BRPF1: variants seen among roughly 807,000 people sequenced by gnomAD.
BRPF1 encodes the protein bromodomain and PHD finger containing 1, also known as peregrin.
In BRPF1, 15 loss-of-function variants were observed where a neutral mutation model predicts 115.0. That is an observed-to-expected ratio of 0.13 (90% CI 0.09 to 0.20). The LOEUF is 0.20. Ranked by LOEUF, BRPF1 falls within the 10% of genes least tolerant of loss-of-function variation. The probability of loss-of-function intolerance (pLI) is 1.00; values close to 1 mark genes in which losing one functional copy is unlikely to be tolerated. For synonymous variants in BRPF1, 647 were observed against 619.8 expected, an observed-to-expected ratio of 1.04 and a Z score of -0.65; for missense variants, 1,118 against 1,638.3, an observed-to-expected ratio of 0.68 and a Z score of 5.48.
intron 9 of BRPF1, 98 bp downstream of exon 9, chr3:9,744,606 C>A: frequency 1.0e-6 from 1 of 962,712 alleles, no homozygotes; most frequent in Non-Finnish European, 1.5e-6. Flanking sequence ...CATAAAAGAG[C>A]GAGCTAGAAG....
rs777004522 is a variant in BRPF1 at position 9,734,218 on chromosome 3, G to A, written c.78G>A (p.Glu26=). ...AGCCACCATACGAGTGCCCGGTGGA[G>A]ACCTGCCGAAAGGTCTACAAGAGTT... The part of the protein sequence containing the change: ...ATKPPYECPV[E]TCRKVYKSYS... The change falls in exon 2 of 14, where the codon GAG becomes GAA. Residue 26 remains glutamate, a synonymous_variant. Coordinates refer to ENST00000383829, the MANE Select transcript of BRPF1 (RefSeq NM_001003694.2). The surrounding 1 kb of genome is among the most constrained non-coding windows in gnomAD (Gnocchi z 5.7). The A allele has an allele frequency of 1.2e-6, 2 of 1,614,056 alleles. No individual in the cohort carries two copies. Among genetic ancestry groups the A allele is most frequent in the Non-Finnish European group, 8.5e-7 (1 of 1,180,010 alleles).
At chr3:9,738,427 A>G (rs577034908) in intron 2 of BRPF1, among the ~76,000 whole-genome samples, 8 of 152,372 alleles carry the variant, frequency 5.3e-5, no homozygotes, top group African/African-American at 1.9e-4. Flanking sequence ...TCCCAAGGCT[A>G]TCCAGTGAAC....
At position 9,746,407 on chromosome 3, in the gene BRPF1, C is replaced by T. The variant is rs769637573; in HGVS notation, c.3432C>T (p.Ala1144=). 4.5e-5 allele frequency: 73 copies of T among 1,608,468 alleles called. No individual in the cohort carries two copies. The South Asian group carries it at 5.5e-4, about 12-fold the overall frequency. The change falls in exon 13 of 14, where the codon GCC becomes GCT. Residue 1144 remains alanine (A), a synonymous_variant. Transcript: ENST00000383829. ...TTGGGGAGCAGATGACCCAGGAAGCCCGAGAGCATCTCTACCTCGTCCTCT... is the reference window on the plus strand; with the variant it reads ...TTGGGGAGCAGATGACCCAGGAAGCTCGAGAGCATCTCTACCTCGTCCTCT... ...LKLGEQMTQE[A]REHLYLVLFF...
rs2125507908 is a variant in BRPF1 at position 9,742,969 on chromosome 3, A to G, written c.2027A>G (p.Lys676Arg). The change falls in exon 7 of 14, where the codon AAA becomes AGA. Residue 676 changes from lysine (K) to arginine (R), a missense_variant. Around this residue, in one of 10 missense-constraint regions of BRPF1, gnomAD observed 178 missense variants for 303.7 expected, o/e 0.59. Coordinates refer to ENST00000383829, the MANE Select transcript of BRPF1 (RefSeq NM_001003694.2). The stretch of plus-strand genomic sequence containing the variant: ...GTACCTGACTACCTAGACCACATCA[A>G]AAAGCCCATGGACTTTTTCACCATG... ...DEVPDYLDHIKKPMDFFTMKQ... is the reference protein window; with the variant it reads ...DEVPDYLDHIRKPMDFFTMKQ... The G allele has an allele frequency of 6.2e-7, 1 of 1,614,164 alleles. No individual in the cohort carries two copies. The highest frequency in any genetic ancestry group is 1.1e-5 in the South Asian group (1 of 91,078).
At chr3:9,740,452 C>G (rs1309675683) in intron 3 of BRPF1, among the ~76,000 whole-genome samples, 1 of 152,164 alleles carries the variant, frequency 6.6e-6, no homozygotes, top group Non-Finnish European at 1.5e-5. Flanking sequence ...TTAAAACCTT[C>G]AAAGGCTCAG....
chr3:9,736,835 A>G (rs2125496150), intron 2 of BRPF1, among the ~76,000 whole-genome samples: 1 of 152,346 alleles, frequency 6.6e-6, no homozygotes, highest in Admixed American at 6.5e-5. Context: ...TCTTGCTTGC[A>G]TTCTAATATG....
chr3:9,738,563 A>G (rs1230171705), intron 2 of BRPF1, among the ~76,000 whole-genome samples: 1 of 152,218 alleles, frequency 6.6e-6, no homozygotes, highest in East Asian at 1.9e-4. Context: ...TAATTTGTCA[A>G]TGACATCCAA....
Position 9,743,427 on chromosome 3 carries a change from C to A in BRPF1, c.2312-151C>A. 1 of 1,188,106 alleles carries A rather than the reference C, an allele frequency of 8.4e-7. No individual in the cohort carries two copies. Among genetic ancestry groups the A allele is most frequent in the Non-Finnish European group, 1.2e-6 (1 of 851,880 alleles). 73.6% of individuals were successfully genotyped at this position (1,188,106 alleles called of 1,614,324 possible). ...CAGACTGGGTGAATGGATAGCAGTG[C>A]CCGCCATTCCACATCTTGGTGCTGC... On this transcript the variant is annotated intron_variant, in intron 7 of 13. Transcript: ENST00000383829. This position sits in a 1 kb window ranked among gnomAD's most constrained non-coding sequence, Gnocchi z 6.1.
rs765495517 is a variant in BRPF1 at position 9,739,094 on chromosome 3, G to A, written c.695G>A (p.Arg232Gln). Reference sequence around the variant, plus strand: ...TGGCTGGATATCATGAATGAGCGTCGGAAGACAGAGGGTGTAAGTCCCATC... The same window carrying A: ...TGGCTGGATATCATGAATGAGCGTCAGAAGACAGAGGGTGTAAGTCCCATC... ...YIWLDIMNERRKTEGVSPIPQ... is the reference protein window; with the variant it reads ...YIWLDIMNERQKTEGVSPIPQ... The change falls in exon 3 of 14, where the codon CGG (arginine) becomes CAG (glutamine). Residue 232 changes from arginine (R) to glutamine (Q), a missense_variant. By Grantham distance (43) the Arg-to-Gln change is conservative. Transcript: ENST00000383829. 6.2e-6 allele frequency: 10 copies of A among 1,613,586 alleles called. No homozygotes were observed. Among genetic ancestry groups the A allele is most frequent in the Non-Finnish European group, 6.8e-6 (8 of 1,179,762 alleles).
At chr3:9,744,930 T>A (rs2077097127) in intron 9 of BRPF1, 78 bp from the exon 10 acceptor site, 2 of 1,590,748 alleles carry the variant, frequency 1.3e-6, no homozygotes, top group Admixed American at 3.4e-5. Context: ...AAGCTCCAAG[T>A]CCCTCTTACC....
intron 1 of BRPF1, chr3:9,732,367 C>CA (rs1559652366): frequency 6.6e-6 from 1 of 152,256 alleles, no homozygotes; most frequent in African/African-American, 2.4e-5. Context: ...TACACTTCCA[C>CA]AAAGGGGAAA....
intron 2 of BRPF1, among the ~76,000 whole-genome samples, chr3:9,735,228 G>A (rs971752791): frequency 6.6e-5 from 10 of 152,200 alleles, no homozygotes; most frequent in African/African-American, 2.4e-4. Context: ...GCCTAGGCTA[G>A]TCTTGAATTC....
At chr3:9,742,427 C>T (rs2077046858) in intron 6 of BRPF1, 13 of 985,298 alleles carry the variant, frequency 1.3e-5, no homozygotes, top group South Asian at 4.7e-5. Context: ...AATCCCAGGG[C>T]AGGAAGACAC....
chr3:9,734,096 C>T lies in BRPF1; in HGVS notation c.-10-35C>T. The T allele has an allele frequency of 6.5e-7, 1 of 1,536,406 alleles. No individual in the cohort carries two copies. The highest frequency in any genetic ancestry group is 8.8e-7 in the Non-Finnish European group (1 of 1,140,626). On this transcript the variant is annotated intron_variant, in intron 1 of 13. Transcript: ENST00000383829. This position sits in a 1 kb window ranked among gnomAD's most constrained non-coding sequence, Gnocchi z 5.7. Reference sequence around the variant, plus strand: ...CTGGTGCAAATGGCCAGGAACTCATCCCCAGCCTTATGTTAACTGATCTGT... The same window carrying T: ...CTGGTGCAAATGGCCAGGAACTCATTCCCAGCCTTATGTTAACTGATCTGT...
Position 9,741,303 on chromosome 3 carries a change from T to C in BRPF1, c.1723-5T>C. The stretch of plus-strand genomic sequence containing the variant: ...CATCCTCTGATCTTCGTTTTGCCTC[T>C]ACAGAGAGATTCTGAGGATAAGAAC... On this transcript the variant is annotated splice_polypyrimidine_tract_variant and splice_region_variant and intron_variant, in intron 4 of 13. Transcript: ENST00000383829. 6.4e-7 allele frequency: 1 copy of C among 1,567,784 alleles called. No individual in the cohort carries two copies. Among genetic ancestry groups the C allele is most frequent in the Non-Finnish European group, 8.7e-7 (1 of 1,153,398 alleles).
At chr3:9,737,392 A>C (rs1361164433) in intron 2 of BRPF1, among the ~76,000 whole-genome samples, 4 of 152,216 alleles carry the variant, frequency 2.6e-5, no homozygotes, top group Non-Finnish European at 5.9e-5. Flanking sequence ...TGTCCTAAGC[A>C]CTTTACCTGC....
rs535934557 is a variant in BRPF1, at chr3:9,745,696, C to T, written c.3192C>T (p.Gly1064=). 97 of 1,614,196 alleles carry T rather than the reference C, an allele frequency of 6.0e-5. No homozygotes were observed. In the South Asian group the frequency reaches 1.0e-3, roughly 17 times the overall value. ...NEAYSVGTGR[G]VGHSMVRKSL... ...CCTACTCCGTGGGCACTGGCCGCGG[C>T]GTGGGCCACAGCAGTAAGTTCCCTT... The change falls in exon 11 of 14, where the codon GGC becomes GGT. Residue 1064 remains glycine (G), a synonymous_variant. Transcript: ENST00000383829. This position sits in a 1 kb window ranked among gnomAD's most constrained non-coding sequence, Gnocchi z 5.1.
At chr3:9,740,109 GT>G in intron 3 of BRPF1, 151 bp downstream of exon 3, 7 of 1,366,678 alleles carry the variant, frequency 5.1e-6, no homozygotes, top group Non-Finnish European at 6.7e-6. Context: ...ACAGATAGTT[GT>G]CTTTAGCAGG....
At chr3:9,744,041 G>A (rs2077079331) in intron 8 of BRPF1, 140 bp downstream of exon 8, 6 of 1,296,900 alleles carry the variant, frequency 4.6e-6, no homozygotes, top group Non-Finnish European at 6.3e-6. Context: ...CCAATCAGGG[G>A]CCTCTTAGCT....
Sources: allele counts gnomAD v4.1 joint callset (sites outside exome capture counted in the v4.1 genomes callset), GRCh38; gene constraint gnomAD v4.1.1; regional missense constraint gnomAD v4.1.1; non-coding constraint Gnocchi (gnomAD v3.1); transcripts MANE v1.5; gene names NCBI Gene and HGNC (gene_info 2026-07-23, HGNC 2026-07-21).